The following BNC2 variants were observed in gnomAD, a reference collection of about 807,000 sequenced individuals.
BNC2 encodes zinc finger protein basonuclin-2.
In BNC2, 20 loss-of-function variants were observed where a neutral mutation model predicts 76.3. The ratio of observed to expected loss-of-function variants is 0.26; its 90% confidence interval spans 0.18 to 0.38. The LOEUF (loss-of-function observed/expected upper bound fraction) is 0.38. Ranked by LOEUF, BNC2 falls within the 10% of genes least tolerant of loss-of-function variation. The pLI is 1.00. For missense variants in BNC2, 1,382 were observed against 1,399.8 expected (o/e 0.99, Z 0.20); for synonymous variants, 582 against 514.8 (o/e 1.13, Z -1.77).
intron 1 of BNC2, among the ~76,000 whole-genome samples, chr9:16,868,766 C>A (rs998938429): frequency 2.0e-5 from 3 of 151,960 alleles, no homozygotes; most frequent in African/African-American, 4.8e-5. Context: ...ATATAAAACA[C>A]AGATACTCTC....
chr9:16,571,508 G>A (rs1008631587), intron 4 of BNC2, among the ~76,000 whole-genome samples: 1 of 152,066 alleles, frequency 6.6e-6, no homozygotes, highest in Non-Finnish European at 1.5e-5. Flanking sequence ...CACAGCCGTT[G>A]CTTGCTGCCT....
intron 3 of BNC2, among the ~76,000 whole-genome samples, chr9:16,710,279 T>TC (rs1823798643): frequency 6.6e-6 from 1 of 152,206 alleles, no homozygotes; most frequent in Non-Finnish European, 1.5e-5. Context: ...AAACAAACAT[T>TC]CTTTCAGTCT....
rs966760922 is a variant in BNC2, at chr9:16,759,173, T to C, written c.4-20688A>G. 3.9e-5 allele frequency among the ~76,000 whole-genome samples: 6 copies of C among 152,322 alleles called. 2 individuals are homozygous for C. The South Asian group carries it at 8.3e-4, about 21-fold the overall frequency. ...ACAGCTGGCTATAATCTCACACTTC[T>C]ATAATAAGAAAGATATGATTTCATA... On this transcript the variant is annotated intron_variant, in intron 1 of 6. Transcript: ENST00000380672.
intron 3 of BNC2, among the ~76,000 whole-genome samples, chr9:16,601,207 A>G (rs906797209): frequency 3.9e-5 from 6 of 152,294 alleles, no homozygotes; most frequent in African/African-American, 4.8e-5. Context: ...GGTGCTTTAC[A>G]TAAGTACAGA....
intron 1 of BNC2, among the ~76,000 whole-genome samples, chr9:16,783,834 C>T (rs1463025798): frequency 6.6e-6 from 1 of 152,142 alleles, no homozygotes; most frequent in Non-Finnish European, 1.5e-5. Flanking sequence ...TAACCTTTGG[C>T]TAACTGACAA....
At chr9:16,603,758 G>A (rs1820304681) in intron 3 of BNC2, among the ~76,000 whole-genome samples, 1 of 152,086 alleles carries the variant, frequency 6.6e-6, no homozygotes, top group African/African-American at 2.4e-5. Context: ...CCTGCTGTTA[G>A]TATTTCTGCT....
chr9:16,862,718 G>A (rs1563976120), intron 1 of BNC2, among the ~76,000 whole-genome samples: 1 of 152,060 alleles, frequency 6.6e-6, no homozygotes, highest in Non-Finnish European at 1.5e-5. Context: ...TTCATTGCCA[G>A]GGGAAGAGTT....
At chr9:16,751,791 A>T (rs1321912826) in intron 1 of BNC2, among the ~76,000 whole-genome samples, 2 of 151,908 alleles carry the variant, frequency 1.3e-5, no homozygotes, top group Non-Finnish European at 2.9e-5. Flanking sequence ...AGCACTTTGG[A>T]GGCCGAGGCA....
At chr9:16,540,473 A>AG (rs2132362997) in intron 5 of BNC2, among the ~76,000 whole-genome samples, 1 of 152,282 alleles carries the variant, frequency 6.6e-6, no homozygotes, top group Admixed American at 6.5e-5. Flanking sequence ...ACATGAGTAT[A>AG]GGGTCTCTAT....
chr9:16,723,202 G>A (rs1051578118), intron 3 of BNC2, among the ~76,000 whole-genome samples: 1 of 152,030 alleles, frequency 6.6e-6, no homozygotes. Flanking sequence ...CTGTAAGGAA[G>A]GGAGTAAAAA....
chr9:16,424,650 G>A (rs1161006546), intron 6 of BNC2, among the ~76,000 whole-genome samples: 1 of 152,046 alleles, frequency 6.6e-6, no homozygotes, highest in African/African-American at 2.4e-5. Context: ...TATGTATATG[G>A]GGAGAATGGG....
chr9:16,748,914 T>G (rs535528405), intron 1 of BNC2, among the ~76,000 whole-genome samples: 1 of 63,326 alleles, frequency 1.6e-5, no homozygotes, highest in South Asian at 6.1e-4. Context: ...TTTTTTTCAC[T>G]TTTTATACTA....
chr9:16,632,329 C>G (rs1287037498), intron 3 of BNC2, among the ~76,000 whole-genome samples: 3 of 152,072 alleles, frequency 2.0e-5, no homozygotes, highest in Admixed American at 2.0e-4. Context: ...TCCGTGGATC[C>G]CCCACATTCG....
At chr9:16,515,026 G>A (rs1822845861) in intron 5 of BNC2, among the ~76,000 whole-genome samples, 1 of 152,188 alleles carries the variant, frequency 6.6e-6, no homozygotes, top group African/African-American at 2.4e-5. Context: ...GGAACAGACG[G>A]GAGGAAAGAG....
At chr9:16,524,875 A>T (rs544567908) in intron 5 of BNC2, among the ~76,000 whole-genome samples, 2 of 152,256 alleles carry the variant, frequency 1.3e-5, no homozygotes, top group African/African-American at 4.8e-5. Context: ...GGAGTTCAAG[A>T]CCAGCCTGGG....
chr9:16,524,703 T>C (rs1237581310), intron 5 of BNC2, among the ~76,000 whole-genome samples: 1 of 152,206 alleles, frequency 6.6e-6, no homozygotes, highest in Non-Finnish European at 1.5e-5. Flanking sequence ...AAAAATCTTA[T>C]TAATAATAAG....
intron 1 of BNC2, among the ~76,000 whole-genome samples, chr9:16,753,728 T>C (rs1309329398): frequency 1.3e-5 from 2 of 152,246 alleles, no homozygotes; most frequent in Non-Finnish European, 2.9e-5. Context: ...TGAAGCTTCA[T>C]AAATATTTCT....
chr9:16,642,795 T>A (rs951715070), intron 3 of BNC2, among the ~76,000 whole-genome samples: 3 of 152,192 alleles, frequency 2.0e-5, no homozygotes, highest in Non-Finnish European at 4.4e-5. Flanking sequence ...TGTTTTGGAA[T>A]GAAAAGCAAT....
At chr9:16,838,843 T>C (rs1818763967) in intron 1 of BNC2, among the ~76,000 whole-genome samples, 3 of 152,202 alleles carry the variant, frequency 2.0e-5, no homozygotes, top group Admixed American at 6.5e-5. Context: ...GATTCCAACA[T>C]GAGTAAAACA....
Sources: allele counts gnomAD v4.1 joint callset (sites outside exome capture counted in the v4.1 genomes callset), GRCh38; gene constraint gnomAD v4.1.1; transcripts MANE v1.5; gene names NCBI Gene and HGNC (gene_info 2026-07-23, HGNC 2026-07-21).